The following UPF1 variants were observed in gnomAD, a reference collection of about 807,000 sequenced individuals.
UPF1 encodes regulator of nonsense transcripts 1.
Under a neutral mutation model 129.2 loss-of-function variants are expected in UPF1, and 9 were observed. That is an observed-to-expected ratio of 0.07 (90% CI 0.04 to 0.12). The LOEUF (loss-of-function observed/expected upper bound fraction) is 0.12, where lower values mean the gene tolerates loss of function less well. Among genes scored for constraint, UPF1 ranks in the 10% least tolerant of loss-of-function variants. UPF1 has a pLI of 1.00. For synonymous variants in UPF1, 649 were observed against 644.9 expected (o/e 1.01, Z -0.10); for missense variants, 788 against 1,525.3 (o/e 0.52, Z 8.05).
chr19:18,865,557 T>G lies in UPF1; in HGVS notation c.3020-4T>G. On this transcript the variant is annotated splice_polypyrimidine_tract_variant and splice_region_variant and intron_variant, in intron 21 of 23. Coordinates refer to ENST00000262803, the MANE Select transcript of UPF1 (RefSeq NM_002911.4). This position sits in a 1 kb window ranked among gnomAD's most constrained non-coding sequence, Gnocchi z 6.1. ...TCGGATCACCCTGGACTGCTGTCTTTCAGGGCGAGGCACCCCGAAAGGCAA... is the reference window on the plus strand; with the variant it reads ...TCGGATCACCCTGGACTGCTGTCTTGCAGGGCGAGGCACCCCGAAAGGCAA... 6.2e-7 allele frequency: 1 copy of G among 1,613,908 alleles called. No individual in the cohort carries two copies. The highest frequency in any genetic ancestry group is 8.5e-7 in the Non-Finnish European group (1 of 1,180,032).
chr19:18,851,273 C>G lies in UPF1; in HGVS notation c.810+405C>G, dbSNP rs1317881014. On this transcript the variant is annotated intron_variant, in intron 5 of 23. Transcript: ENST00000262803. The surrounding 1 kb of genome is among the most constrained non-coding windows in gnomAD (Gnocchi z 4.2). ...TCGAGGTCGGCACAGTCAGCTGAGACAGAGGGGAGAGGAGAGGGTGCCGGG... is the reference window on the plus strand; with the variant it reads ...TCGAGGTCGGCACAGTCAGCTGAGAGAGAGGGGAGAGGAGAGGGTGCCGGG... The G allele has an allele frequency of 6.2e-6, 1 of 162,060 alleles. No individual in the cohort carries two copies. Among genetic ancestry groups the G allele is most frequent in the African/African-American group, 2.4e-5 (1 of 41,716 alleles). The allele number at this position is 162,060 out of a possible 1,614,324, so 10.0% of individuals were successfully genotyped here.
chr19:18,840,361 A>G (rs926048813), intron 1 of UPF1, among the ~76,000 whole-genome samples: 10 of 152,176 alleles, frequency 6.6e-5, no homozygotes, highest in Non-Finnish European at 5.9e-5. Context: ...CTGTGGTCTC[A>G]TCAGGGTCCA....
chr19:18,834,706 G>GAATATCAT (rs1328206364), intron 1 of UPF1, among the ~76,000 whole-genome samples: 1 of 152,204 alleles, frequency 6.6e-6, no homozygotes. Flanking sequence ...GGAAGTCTAT[G>GAATATCAT]AATATCATTC....
Position 18,835,402 on chromosome 19 carries a change from C to T in UPF1, c.231+2962C>T, listed in dbSNP as rs556767066. Among the ~76,000 whole-genome samples, 17 of 151,630 alleles carry T rather than the reference C, an allele frequency of 1.1e-4. 1 individual carries two copies. The highest frequency in any genetic ancestry group is 9.9e-4 in the Admixed American group (15 of 15,220). On this transcript the variant is annotated intron_variant, in intron 1 of 23. Coordinates refer to ENST00000262803, the MANE Select transcript of UPF1 (RefSeq NM_002911.4). ...TGTTGCCCAGGCTGGGGTGCAGTGG[C>T]GTGATCTTGGCTCACTGCAACCTGT...
Position 18,853,402 on chromosome 19 carries a change from G to A in UPF1, c.1156+52G>A, listed in dbSNP as rs780816090. ...CCGGCTGGTGGGAGAGGAAAGTGGG[G>A]GCATCAGGTGGAGGCCACTGTGGAT... On this transcript the variant is annotated intron_variant, in intron 8 of 23. Transcript: ENST00000262803. The surrounding 1 kb of genome is among the most constrained non-coding windows in gnomAD (Gnocchi z 4.4). 1.2e-5 allele frequency: 18 copies of A among 1,513,424 alleles called. No individual in the cohort carries two copies. In the African/African-American group the frequency reaches 1.2e-4, roughly 10 times the overall value. 93.7% of individuals were successfully genotyped at this position (1,513,424 alleles called of 1,614,324 possible). A position where few individuals can be genotyped will look rare whatever the true frequency, so the allele number is the denominator to read the frequency against.
Position 18,839,634 on chromosome 19 carries a change from G to A in UPF1, c.232-6346G>A, listed in dbSNP as rs528770508. Among the ~76,000 whole-genome samples, 31 of 152,258 alleles carry A rather than the reference G, an allele frequency of 2.0e-4. 1 individual carries two copies. In the Middle Eastern group the frequency reaches 0.01, roughly 50 times the overall value. On this transcript the variant is annotated intron_variant, in intron 1 of 23. Coordinates refer to ENST00000262803, the MANE Select transcript of UPF1 (RefSeq NM_002911.4). ...CCAAGCCCTGGCCCCATGCTCCCCC[G>A]CCTTTAAGCCCCGTGTCTGTTAACT...
rs762797768 is a variant in UPF1 at position 18,865,727 on chromosome 19, C to T, written c.3186C>T (p.Ser1062=). 2 of 1,613,410 alleles carry T rather than the reference C, an allele frequency of 1.2e-6. No homozygotes were observed. Among genetic ancestry groups the T allele is most frequent in the East Asian group, 2.2e-5 (1 of 44,862 alleles). The part of the protein sequence containing the change: ...GALTQGYISM[S]QPSQMSQPGL... Reference sequence around the variant, plus strand: ...TGACGCAGGGCTACATCTCCATGAGCCAGCCTTCCCAGATGAGCCAGCCCG... The same window carrying T: ...TGACGCAGGGCTACATCTCCATGAGTCAGCCTTCCCAGATGAGCCAGCCCG... Residue 1062 remains serine, a synonymous_variant, in exon 22 of 24, where the codon AGC becomes AGT. Transcript: ENST00000262803. The surrounding 1 kb of genome is among the most constrained non-coding windows in gnomAD (Gnocchi z 6.1).
chr19:18,854,739 T>G, intron 9 of UPF1, 30 bp downstream of exon 9: 1 of 1,609,020 alleles, frequency 6.2e-7, no homozygotes, highest in African/African-American at 1.3e-5. Flanking sequence ...TGCCCCCTGT[T>G]CCCTGGTTGC....
intron 2 of UPF1, among the ~76,000 whole-genome samples, chr19:18,847,056 G>A (rs562861358): frequency 6.6e-6 from 1 of 152,354 alleles, no homozygotes; most frequent in Non-Finnish European, 1.5e-5. Context: ...CCTTGCCCGC[G>A]TGCTGCCCAG....
intron 15 of UPF1, among the ~76,000 whole-genome samples, chr19:18,858,157 A>G (rs1253235295): frequency 6.6e-6 from 1 of 152,162 alleles, no homozygotes; most frequent in Non-Finnish European, 1.5e-5. Context: ...CCGGCGCTTG[A>G]AGGAAGTCCT....
At chr19:18,861,919 T>G in intron 17 of UPF1, 91 bp from the exon 18 acceptor site, 2 of 1,512,988 alleles carry the variant, frequency 1.3e-6, no homozygotes, top group East Asian at 2.4e-5. Flanking sequence ...CCGGGTGGGA[T>G]TTGAGGGTGG....
intron 1 of UPF1, among the ~76,000 whole-genome samples, chr19:18,833,580 G>A (rs1262714167): frequency 6.6e-6 from 1 of 151,980 alleles, no homozygotes; most frequent in Non-Finnish European, 1.5e-5. Context: ...GGGGTGGCGC[G>A]TGTTGCACCG....
rs1411396650 is a variant in UPF1 at position 18,853,809 on chromosome 19, T to C, written c.1156+459T>C. On this transcript the variant is annotated intron_variant, in intron 8 of 23. Transcript: ENST00000262803. This position sits in a 1 kb window ranked among gnomAD's most constrained non-coding sequence, Gnocchi z 4.4. ...GGAATGTGCAGTGACCTCATGGTGA[T>C]GCAGCCTGCCGGCCAGAGTGGGGCA... Among the ~76,000 whole-genome samples the C allele has an allele frequency of 4.6e-5, 7 of 152,328 alleles. No individual in the cohort carries two copies. Among genetic ancestry groups the C allele is most frequent in the Non-Finnish European group, 1.0e-4 (7 of 68,026 alleles).
In UPF1 at chr19:18,865,561, G is replaced by A. The variant is rs1568284991; in HGVS notation, c.3020G>A (p.Gly1007Glu). The A allele has an allele frequency of 1.2e-6, 2 of 1,613,898 alleles. No individual in the cohort carries two copies. The highest frequency in any genetic ancestry group is 1.7e-6 in the Non-Finnish European group (2 of 1,180,042). ...ATCACCCTGGACTGCTGTCTTTCAG[G>A]GCGAGGCACCCCGAAAGGCAAGACT... ...YFGQANGPAA[G>E]RGTPKGKTGR... Residue 1007 changes from glycine to glutamate, a missense_variant and splice_region_variant, in exon 22 of 24, where the codon GGG becomes GAG. Coordinates refer to ENST00000262803, the MANE Select transcript of UPF1 (RefSeq NM_002911.4). This position sits in a 1 kb window ranked among gnomAD's most constrained non-coding sequence, Gnocchi z 6.1.
At position 18,866,036 on chromosome 19, in the gene UPF1, T is replaced by G; in HGVS notation, c.3238-8T>G. The G allele has an allele frequency of 2.5e-6, 4 of 1,613,440 alleles. No individual in the cohort carries two copies. Among genetic ancestry groups the G allele is most frequent in the Non-Finnish European group, 2.5e-6 (3 of 1,179,902 alleles). ...GTGGCTTGCTTACCTCCTGACCTTG[T>G]CTTTCAGGACAGTTACCTTGGTGAC... On this transcript the variant is annotated splice_polypyrimidine_tract_variant and splice_region_variant and intron_variant, in intron 22 of 23. Transcript: ENST00000262803.
intron 23 of UPF1, 77 bp downstream of exon 23, chr19:18,866,243 T>C: frequency 6.8e-7 from 1 of 1,462,610 alleles, no homozygotes; most frequent in Non-Finnish European, 9.0e-7. Context: ...CCCAGGGAGC[T>C]GCACTGGAGG....
Position 18,834,211 on chromosome 19 carries a change from C to A in UPF1, c.231+1771C>A, listed in dbSNP as rs183680658. Among the ~76,000 whole-genome samples the A allele has an allele frequency of 3.3e-3, 503 of 152,310 alleles. 1 individual carries two copies. The highest frequency in any genetic ancestry group is 0.012 in the African/African-American group (486 of 41,564). On this transcript the variant is annotated intron_variant, in intron 1 of 23. Coordinates refer to ENST00000262803, the MANE Select transcript of UPF1 (RefSeq NM_002911.4). ...GTCGACTGTATACGCTGTCTGTAAT[C>A]TGACGTCCAGCCTGTCGGGGAGACT...
intron 3 of UPF1, chr19:18,848,549 G>A (rs1018217435): frequency 6.6e-6 from 1 of 152,218 alleles, no homozygotes; most frequent in African/African-American, 2.4e-5. Context: ...TGCTAGCAAG[G>A]AAGTGTGGGG....
intron 1 of UPF1, among the ~76,000 whole-genome samples, chr19:18,843,328 A>G (rs1470059634): frequency 6.6e-6 from 1 of 152,126 alleles, no homozygotes; most frequent in Non-Finnish European, 1.5e-5. Context: ...CCTGAGAGGC[A>G]CCCTGTGGAC....
Sources: gnomAD v4.1 joint callset for allele counts (sites outside exome capture counted in the v4.1 genomes callset) on GRCh38, gnomAD v4.1.1 for gene constraint, Gnocchi (gnomAD v3.1) non-coding constraint, MANE v1.5 for transcripts, NCBI Gene and HGNC (gene_info 2026-07-23, HGNC 2026-07-21) for gene names.